The following DLGAP1 variants were observed in gnomAD, a reference collection of about 807,000 sequenced individuals.
The protein encoded by DLGAP1 is disks large-associated protein 1.
Under a neutral mutation model 90.8 loss-of-function variants are expected in DLGAP1, and 11 were observed. The observed-to-expected ratio is 0.12, with a 90% confidence interval of 0.08 to 0.20. The LOEUF (loss-of-function observed/expected upper bound fraction) is 0.20. DLGAP1 is among the 10% of genes least tolerant of loss of function. The pLI, the probability that DLGAP1 is intolerant of heterozygous loss-of-function variation, is 1.00. For missense variants in DLGAP1, 1,050 were observed against 1,333.8 expected, an observed-to-expected ratio of 0.79 and a Z score of 3.31; for synonymous variants, 558 against 540.7, an observed-to-expected ratio of 1.03 and a Z score of -0.44.
intron 1 of DLGAP1, among the ~76,000 whole-genome samples, chr18:4,231,938 T>C (rs1055465682): frequency 2.0e-5 from 3 of 152,172 alleles, no homozygotes; most frequent in Non-Finnish European, 2.9e-5. Context: ...CAATCCCTAA[T>C]AGGTTAAGCC....
chr18:4,033,748 T>C (rs544021466), intron 2 of DLGAP1, among the ~76,000 whole-genome samples: 1 of 151,722 alleles, frequency 6.6e-6, no homozygotes, highest in South Asian at 2.1e-4. Context: ...AACTTTTTTT[T>C]TTTTTTTTTG....
chr18:3,673,928 C>T (rs1055949245), intron 7 of DLGAP1, among the ~76,000 whole-genome samples: 20 of 151,472 alleles, frequency 1.3e-4, no homozygotes, highest in Non-Finnish European at 2.5e-4. Context: ...CTGCGACCTC[C>T]GCCTCCTGGG....
chr18:4,409,783 T>C (rs2082738558), intron 1 of DLGAP1, among the ~76,000 whole-genome samples: 1 of 152,096 alleles, frequency 6.6e-6, no homozygotes, highest in South Asian at 2.1e-4. Flanking sequence ...TTCTTACTGA[T>C]TTGTTTGACC....
At chr18:3,787,619 G>T (rs1240121342) in intron 5 of DLGAP1, among the ~76,000 whole-genome samples, 1 of 151,240 alleles carries the variant, frequency 6.6e-6, no homozygotes, top group South Asian at 2.1e-4. Flanking sequence ...GTATTACCAT[G>T]AGTACAATGG....
At chr18:4,038,706 C>T (rs2074928213) in intron 2 of DLGAP1, among the ~76,000 whole-genome samples, 1 of 152,054 alleles carries the variant, frequency 6.6e-6, no homozygotes. Flanking sequence ...TATTTTTCCT[C>T]TTGGTAATTC....
At chr18:3,956,401 G>C (rs967838762) in intron 3 of DLGAP1, among the ~76,000 whole-genome samples, 1 of 149,428 alleles carries the variant, frequency 6.7e-6, no homozygotes, top group Non-Finnish European at 1.5e-5. Context: ...CCAGGCTGGA[G>C]TGCAGTGGCG....
chr18:3,570,286 T>C (rs2054693199), intron 8 of DLGAP1, among the ~76,000 whole-genome samples: 1 of 151,800 alleles, frequency 6.6e-6, no homozygotes, highest in Middle Eastern at 3.2e-3. Flanking sequence ...CCTAAATTTT[T>C]TTTTTTTTTT....
chr18:4,347,647 T>C (rs1197421229), intron 1 of DLGAP1, among the ~76,000 whole-genome samples: 1 of 152,016 alleles, frequency 6.6e-6, no homozygotes, highest in Non-Finnish European at 1.5e-5. Context: ...TTCAAGAAAT[T>C]GAATGTGATT....
At chr18:4,410,896 G>A (rs1176955678) in intron 1 of DLGAP1, among the ~76,000 whole-genome samples, 2 of 152,128 alleles carry the variant, frequency 1.3e-5, no homozygotes, top group African/African-American at 2.4e-5. Flanking sequence ...TGAGGTAATC[G>A]TTTTCCCAGC....
intron 1 of DLGAP1, among the ~76,000 whole-genome samples, chr18:4,364,475 TAC>T (rs2081712516): frequency 6.6e-6 from 1 of 152,132 alleles, no homozygotes; most frequent in Admixed American, 6.5e-5. Context: ...CTGCAGGGGA[TAC>T]AGACTTCATA....
At chr18:3,733,911 T>G (rs1053267863) in intron 6 of DLGAP1, among the ~76,000 whole-genome samples, 1 of 152,224 alleles carries the variant, frequency 6.6e-6, no homozygotes, top group African/African-American at 2.4e-5. Context: ...GTTTTCATTT[T>G]GTTAAGTAAG....
At chr18:3,938,682 G>C (rs1477255063) in intron 3 of DLGAP1, among the ~76,000 whole-genome samples, 1 of 152,194 alleles carries the variant, frequency 6.6e-6, no homozygotes, top group African/African-American at 2.4e-5. Flanking sequence ...AGGAGTAGCT[G>C]GAGCATTGGA....
At chr18:3,687,042 C>G (rs1413686400) in intron 7 of DLGAP1, among the ~76,000 whole-genome samples, 1 of 152,100 alleles carries the variant, frequency 6.6e-6, no homozygotes, top group African/African-American at 2.4e-5. Flanking sequence ...AAGGGGCCAA[C>G]AGCCAAGGAA....
intron 7 of DLGAP1, among the ~76,000 whole-genome samples, chr18:3,592,418 G>A (rs544312693): frequency 3.9e-5 from 6 of 152,304 alleles, no homozygotes; most frequent in South Asian, 4.1e-4. Context: ...GCAAAAATGC[G>A]CAAACCCTGG....
intron 7 of DLGAP1, among the ~76,000 whole-genome samples, chr18:3,615,045 C>A (rs1238895534): frequency 6.6e-6 from 1 of 151,854 alleles, no homozygotes; most frequent in East Asian, 1.9e-4. Context: ...CTCAGCCTCC[C>A]GAGTGACTGA....
chr18:3,904,087 C>T (rs1316292221), intron 3 of DLGAP1, among the ~76,000 whole-genome samples: 2 of 152,162 alleles, frequency 1.3e-5, no homozygotes, highest in South Asian at 2.1e-4. Flanking sequence ...TCCTTCTGTT[C>T]CTTTTACACC....
chr18:4,182,466 C>T (rs1477033340), intron 1 of DLGAP1, among the ~76,000 whole-genome samples: 3 of 152,058 alleles, frequency 2.0e-5, no homozygotes, highest in Non-Finnish European at 4.4e-5. Flanking sequence ...CACCTTGTGG[C>T]CCCTAGAGAT....
intron 1 of DLGAP1, among the ~76,000 whole-genome samples, chr18:4,226,527 T>A (rs1365068656): frequency 1.3e-5 from 2 of 151,710 alleles, no homozygotes; most frequent in East Asian, 3.8e-4. Context: ...TAAATAGAAA[T>A]AACAAAAAGT....
intron 3 of DLGAP1, among the ~76,000 whole-genome samples, chr18:3,940,902 C>T (rs919286484): frequency 6.6e-5 from 10 of 152,082 alleles, no homozygotes; most frequent in Admixed American, 6.5e-4. Context: ...TTTGCATTTC[C>T]TCATTGTTAG....
Sources: gnomAD v4.1 joint callset for allele counts (sites outside exome capture counted in the v4.1 genomes callset) on GRCh38, gnomAD v4.1.1 for gene constraint, MANE v1.5 for transcripts, NCBI Gene and HGNC (gene_info 2026-07-23, HGNC 2026-07-21) for gene names.